The following PLXDC2 variants were observed in gnomAD, a reference collection of about 807,000 sequenced individuals.
PLXDC2 encodes plexin domain-containing protein 2.
Under a neutral mutation model 68.9 loss-of-function variants are expected in PLXDC2, and 40 were observed. That is an observed-to-expected ratio of 0.58 (90% CI 0.45 to 0.76). The LOEUF (loss-of-function observed/expected upper bound fraction) is 0.76. Ranked by LOEUF, PLXDC2 falls within the 30% of genes least tolerant of loss-of-function variation. The pLI, the probability that PLXDC2 is intolerant of heterozygous loss-of-function variation, is 0.00. For synonymous variants in PLXDC2, 243 were observed against 234.2 expected, an observed-to-expected ratio of 1.04 and a Z score of -0.34; for missense variants, 644 against 661.9, an observed-to-expected ratio of 0.97 and a Z score of 0.30.
At chr10:20,229,217 G>A (rs1835327249) in intron 12 of PLXDC2, among the ~76,000 whole-genome samples, 2 of 152,128 alleles carry the variant, frequency 1.3e-5, no homozygotes, top group African/African-American at 2.4e-5. Flanking sequence ...GGGAGAAATT[G>A]AGGGGGTTTC....
chr10:20,103,564 G>C (rs1833449535), intron 4 of PLXDC2, among the ~76,000 whole-genome samples: 1 of 150,034 alleles, frequency 6.7e-6, no homozygotes, highest in African/African-American at 2.5e-5. Context: ...AGCTGGAAGA[G>C]ATGTGGGGTT....
chr10:20,020,781 A>T (rs1165004649), intron 2 of PLXDC2, among the ~76,000 whole-genome samples: 1 of 152,184 alleles, frequency 6.6e-6, no homozygotes, highest in Non-Finnish European at 1.5e-5. Context: ...CTGATGAGAA[A>T]ACTGAACATC....
rs575182484 is a variant in PLXDC2 at position 19,818,520 on chromosome 10, G to A, written c.112+1329G>A. Among the ~76,000 whole-genome samples, 3 of 152,134 alleles carry A rather than the reference G, an allele frequency of 2.0e-5. No homozygotes were observed. The South Asian group carries it at 6.2e-4, about 32-fold the overall frequency. ...CTCTGCGCTCTTATTTATGGTTGAA[G>A]GGGTGTGTGTGTTGGGGTGTATGTG... On this transcript the variant is annotated intron_variant, in intron 1 of 13. Transcript: ENST00000377252.
At chr10:20,199,838 T>A (rs1249563243) in intron 9 of PLXDC2, among the ~76,000 whole-genome samples, 2 of 152,006 alleles carry the variant, frequency 1.3e-5, no homozygotes, top group Non-Finnish European at 2.9e-5. Flanking sequence ...ATGGAGGATT[T>A]AAACTCCCAG....
chr10:20,230,969 A>G (rs1835357235), intron 12 of PLXDC2, among the ~76,000 whole-genome samples: 1 of 151,424 alleles, frequency 6.6e-6, no homozygotes, highest in East Asian at 1.9e-4. Flanking sequence ...AAAAGAATCA[A>G]ACGAGAAGCA....
chr10:20,286,457 G>A lies in PLXDC2; in HGVS notation c.*6638G>A, dbSNP rs935971780. The A allele has an allele frequency of 6.6e-6, 1 of 151,746 alleles. No homozygotes were observed. 9.4% of individuals were successfully genotyped at this position (151,746 alleles called of 1,614,324 possible). A position where few individuals can be genotyped will look rare whatever the true frequency, so the allele number is the denominator to read the frequency against. The stretch of plus-strand genomic sequence containing the variant: ...TCTCAGTGGCTTCTCTTCATTCCAC[G>A]AGAATTTTGATTTTTAACAGCAGTC... On this transcript the variant is annotated 3_prime_UTR_variant, in exon 14 of 14. Coordinates refer to ENST00000377252, the MANE Select transcript of PLXDC2 (RefSeq NM_032812.9).
At chr10:19,944,983 C>G (rs1185147046) in intron 1 of PLXDC2, among the ~76,000 whole-genome samples, 1 of 152,036 alleles carries the variant, frequency 6.6e-6, no homozygotes, top group Non-Finnish European at 1.5e-5. Context: ...AAAAAAGAAA[C>G]AGAAGCATTG....
chr10:19,821,744 G>A (rs2131994695), intron 1 of PLXDC2, among the ~76,000 whole-genome samples: 1 of 152,284 alleles, frequency 6.6e-6, no homozygotes, highest in East Asian at 1.9e-4. Context: ...ACGAACTTTG[G>A]AGAGTAACTG....
At chr10:20,028,556 G>T (rs1199913167) in intron 2 of PLXDC2, among the ~76,000 whole-genome samples, 1 of 152,114 alleles carries the variant, frequency 6.6e-6, no homozygotes, top group Non-Finnish European at 1.5e-5. Flanking sequence ...AGATATACCA[G>T]GTTCTGTTTC....
chr10:20,236,051 G>T (rs1158464772), intron 12 of PLXDC2, among the ~76,000 whole-genome samples: 1 of 152,066 alleles, frequency 6.6e-6, no homozygotes, highest in Non-Finnish European at 1.5e-5. Context: ...TAACCTCTTT[G>T]GTTTCATATT....
At chr10:19,839,348 CATT>C (rs1448835807) in intron 1 of PLXDC2, among the ~76,000 whole-genome samples, 1 of 152,118 alleles carries the variant, frequency 6.6e-6, no homozygotes, top group African/African-American at 2.4e-5. Context: ...ATTCTTAAAA[CATT>C]ATGAGATTTT....
At chr10:19,997,998 TG>T (rs1834870159) in intron 1 of PLXDC2, among the ~76,000 whole-genome samples, 1 of 152,264 alleles carries the variant, frequency 6.6e-6, no homozygotes, top group South Asian at 2.1e-4. Flanking sequence ...ATGAGCTATG[TG>T]ATTAATGACT....
chr10:19,905,998 G>GAA (rs146260310), intron 1 of PLXDC2, among the ~76,000 whole-genome samples: 12 of 144,594 alleles, frequency 8.3e-5, no homozygotes, highest in Non-Finnish European at 1.4e-4. Flanking sequence ...TACAATAGTG[G>GAA]AAAAAAAAAA....
intron 13 of PLXDC2, among the ~76,000 whole-genome samples, chr10:20,276,764 C>G (rs1836011839): frequency 6.6e-6 from 1 of 152,080 alleles, no homozygotes; most frequent in Non-Finnish European, 1.5e-5. Context: ...ACAACATATC[C>G]CTTCTCTGAA....
At chr10:19,839,788 A>G (rs7084739) in intron 1 of PLXDC2, among the ~76,000 whole-genome samples, 3,871 of 152,278 alleles carry the variant, frequency 0.025, 138 homozygotes, top group African/African-American at 0.087. Context: ...TTTAGAATGT[A>G]GATTTTGGGC....
intron 12 of PLXDC2, among the ~76,000 whole-genome samples, chr10:20,220,254 G>A (rs913582329): frequency 6.6e-6 from 1 of 152,056 alleles, no homozygotes; most frequent in Non-Finnish European, 1.5e-5. Context: ...GGGCATAAAG[G>A]GACTTTAGCA....
At chr10:20,148,019 C>A in intron 6 of PLXDC2, 117 bp downstream of exon 6, 2 of 719,254 alleles carry the variant, frequency 2.8e-6, no homozygotes. Flanking sequence ...TTTCTTGCCT[C>A]TTGGTTTCCT....
intron 9 of PLXDC2, among the ~76,000 whole-genome samples, chr10:20,208,289 T>C (rs1243935952): frequency 6.6e-6 from 1 of 152,052 alleles, no homozygotes; most frequent in Non-Finnish European, 1.5e-5. Context: ...ACAATCATGG[T>C]GGAAGGCAAA....
chr10:20,189,517 A>G (rs1834734009), intron 9 of PLXDC2, among the ~76,000 whole-genome samples: 1 of 111,108 alleles, frequency 9.0e-6, no homozygotes, highest in Admixed American at 1.0e-4. Context: ...ACATACACAC[A>G]CATATATATA....
Sources: gnomAD v4.1 joint callset for allele counts (sites outside exome capture counted in the v4.1 genomes callset) on GRCh38, gnomAD v4.1.1 for gene constraint, MANE v1.5 for transcripts, NCBI Gene and HGNC (gene_info 2026-07-23, HGNC 2026-07-21) for gene names.